Variants in ABCG2 observed in about 807,000 individuals in gnomAD.
ABCG2 encodes the protein broad substrate specificity ATP-binding cassette transporter ABCG2.
In ABCG2, 80 loss-of-function variants were observed where a neutral mutation model predicts 73.5. The ratio of observed to expected loss-of-function variants is 1.09; its 90% CI spans 0.91 to 1.31. The LOEUF is 1.31. ABCG2 is among the 50% of genes most tolerant of loss of function. ABCG2 has a pLI of 0.00. For missense variants in ABCG2, 796 were observed against 786.2 expected (o/e 1.01, Z -0.15); for synonymous variants, 269 against 282.4 (o/e 0.95, Z 0.48).
intron 1 of ABCG2, among the ~76,000 whole-genome samples, chr4:88,219,693 T>C (rs1729942398): frequency 6.7e-6 from 1 of 148,988 alleles, no homozygotes; most frequent in Non-Finnish European, 1.5e-5. Flanking sequence ...GCCATTCTCC[T>C]GTCTCAGCCT....
At chr4:88,188,299 T>A (rs1351120414) in intron 1 of ABCG2, among the ~76,000 whole-genome samples, 12 of 152,128 alleles carry the variant, frequency 7.9e-5, no homozygotes, top group Non-Finnish European at 1.8e-4. Flanking sequence ...TATGCAAAGG[T>A]TTATTTCTGG....
chr4:88,160,326 AATTTT>A (rs1422981236), upstream of ABCG2, among the ~76,000 whole-genome samples: 2 of 152,248 alleles, frequency 1.3e-5, no homozygotes, highest in South Asian at 2.1e-4. Flanking sequence ...CCGAAAAATA[AATTTT>A]ATTTTAATTT....
At chr4:88,099,205 C>T (rs544236534) in intron 12 of ABCG2, 119 bp downstream of exon 12, 1 of 961,280 alleles carries the variant, frequency 1.0e-6, no homozygotes, top group East Asian at 2.9e-5. Flanking sequence ...ACAGGTGTTT[C>T]CTTATCTCAT....
intron 1 of ABCG2, among the ~76,000 whole-genome samples, chr4:88,178,986 A>G (rs988117773): frequency 6.6e-6 from 1 of 152,176 alleles, no homozygotes; most frequent in Non-Finnish European, 1.5e-5. Context: ...CCTGAAGGGA[A>G]GGACACAACC....
intron 8 of ABCG2, among the ~76,000 whole-genome samples, chr4:88,114,087 G>A (rs1416254360): frequency 2.0e-5 from 3 of 152,166 alleles, no homozygotes; most frequent in East Asian, 1.9e-4. Flanking sequence ...AGGATCATGC[G>A]AGGCCAGGAA....
intron 1 of ABCG2, among the ~76,000 whole-genome samples, chr4:88,170,085 T>G (rs974578458): frequency 2.1e-5 from 3 of 140,884 alleles, no homozygotes; most frequent in Non-Finnish European, 4.5e-5. Context: ...CACTCCAGCC[T>G]GAGTAGCAGA....
chr4:88,126,131 T>C (rs991731606), intron 5 of ABCG2, among the ~76,000 whole-genome samples: 3 of 152,046 alleles, frequency 2.0e-5, no homozygotes, highest in African/African-American at 7.3e-5. Flanking sequence ...CAAACTACCA[T>C]CAAAGAATAC....
intron 1 of ABCG2, among the ~76,000 whole-genome samples, chr4:88,217,745 A>T (rs1729866444): frequency 6.6e-6 from 1 of 152,112 alleles, no homozygotes; most frequent in Non-Finnish European, 1.5e-5. Flanking sequence ...AAGGTGAGGC[A>T]GCGGGGTCTC....
intron 5 of ABCG2, among the ~76,000 whole-genome samples, chr4:88,124,719 C>A (rs1442700090): frequency 6.6e-6 from 1 of 152,110 alleles, no homozygotes; most frequent in Admixed American, 6.5e-5. Flanking sequence ...TAGTGGGAAA[C>A]TTTTAACACC....
At chr4:88,159,045 G>A, upstream of ABCG2, 1 of 426,304 alleles carries the variant, frequency 2.3e-6, no homozygotes, top group Non-Finnish European at 4.7e-6. Context: ...GCCGCGCTGA[G>A]CCGCCAGCAG....
At chr4:88,113,581 C>G in intron 8 of ABCG2, 28 bp from the exon 9 acceptor site, 1 of 1,601,956 alleles carries the variant, frequency 6.2e-7, no homozygotes, top group Non-Finnish European at 8.5e-7. Flanking sequence ...AAAAAGGAAA[C>G]ACAAACAAGA....
At chr4:88,180,457 C>T (rs1459623644) in intron 1 of ABCG2, among the ~76,000 whole-genome samples, 2 of 152,138 alleles carry the variant, frequency 1.3e-5, no homozygotes, top group East Asian at 3.8e-4. Flanking sequence ...AAACGTTGGC[C>T]AGGTACAGTG....
chr4:88,160,441 A>AT (rs1727245544), upstream of ABCG2, among the ~76,000 whole-genome samples: 1 of 152,188 alleles, frequency 6.6e-6, no homozygotes, highest in Admixed American at 6.5e-5. Flanking sequence ...ACAGGAGGAG[A>AT]CTGAACAAAA....
intron 11 of ABCG2, among the ~76,000 whole-genome samples, chr4:88,099,870 G>A (rs1396153224): frequency 6.6e-6 from 1 of 152,058 alleles, no homozygotes; most frequent in Admixed American, 6.6e-5. Flanking sequence ...TGAGGAAGGT[G>A]GCCTGTTATT....
chr4:88,161,276 G>T (rs377576179), upstream of ABCG2, among the ~76,000 whole-genome samples: 1,502 of 114,062 alleles, frequency 0.013, 37 homozygotes, highest in African/African-American at 0.046. Context: ...ACCCACTAAC[G>T]TGTCATCTAG....
intron 3 of ABCG2, 53 bp from the exon 4 acceptor site, chr4:88,131,970 T>A: frequency 7.3e-7 from 1 of 1,367,974 alleles, no homozygotes; most frequent in Non-Finnish European, 1.0e-6. Context: ...AGAATATATA[T>A]GTTGTGGGGT....
intron 10 of ABCG2, among the ~76,000 whole-genome samples, chr4:88,105,390 G>A (rs1366874779): frequency 6.6e-6 from 1 of 152,092 alleles, no homozygotes; most frequent in African/African-American, 2.4e-5. Flanking sequence ...CAAGCACTAC[G>A]GAGCACAGTA....
At chr4:88,213,748 T>A (rs1222786249) in intron 1 of ABCG2, among the ~76,000 whole-genome samples, 1 of 151,954 alleles carries the variant, frequency 6.6e-6, no homozygotes. Flanking sequence ...AGTGGTGCGA[T>A]CTTGGCTCAC....
intron 2 of ABCG2, among the ~76,000 whole-genome samples, chr4:88,138,155 A>T (rs1182143978): frequency 6.6e-6 from 1 of 152,220 alleles, no homozygotes; most frequent in Non-Finnish European, 1.5e-5. Flanking sequence ...CTAAAAAATA[A>T]ATAAATAAAT....
Sources: allele counts gnomAD v4.1 joint callset (sites outside exome capture counted in the v4.1 genomes callset), GRCh38; gene constraint gnomAD v4.1.1; transcripts MANE v1.5; gene names NCBI Gene and HGNC (gene_info 2026-07-23, HGNC 2026-07-21).